The following HERC3 variants were observed in gnomAD, a reference collection of about 807,000 sequenced individuals.
HERC3 encodes the protein probable E3 ubiquitin-protein ligase HERC3.
HERC3 carries 58 observed loss-of-function variants against 129.9 expected under a neutral mutation model. The ratio of observed to expected loss-of-function variants is 0.45; its 90% CI spans 0.36 to 0.56. The LOEUF is 0.56. HERC3 is among the 20% of genes least tolerant of loss of function. The probability of loss-of-function intolerance (pLI) is 0.00; values close to 1 mark genes in which losing one functional copy is unlikely to be tolerated. For missense variants in HERC3, 835 were observed against 1,244.2 expected, an observed-to-expected ratio of 0.67 and a Z score of 4.95; for synonymous variants, 430 against 451.0, an observed-to-expected ratio of 0.95 and a Z score of 0.59.
chr4:88,634,450 C>T (rs576092139), intron 3 of HERC3, among the ~76,000 whole-genome samples: 5 of 152,244 alleles, frequency 3.3e-5, no homozygotes, highest in South Asian at 4.1e-4. Flanking sequence ...GCAGGAACTC[C>T]GTCTCCAACT....
At chr4:88,581,307 A>ATTAT in the HERC3 span, among the ~76,000 whole-genome samples, 34 of 143,962 alleles carry the variant, frequency 2.4e-4, no homozygotes, top group African/African-American at 8.6e-4. Flanking sequence ...TATTATTATT[A>ATTAT]TTTTTTTTTT....
At chr4:88,588,090 CAAT>C (rs1721576874), upstream of HERC3, among the ~76,000 whole-genome samples, 1 of 152,174 alleles carries the variant, frequency 6.6e-6, no homozygotes, top group South Asian at 2.1e-4. Flanking sequence ...TATATGAAAA[CAAT>C]GAGTTTCTCA....
At chr4:88,526,559 C>T in the HERC3 span, among the ~76,000 whole-genome samples, 2 of 152,098 alleles carry the variant, frequency 1.3e-5, no homozygotes, top group African/African-American at 2.4e-5. Flanking sequence ...TTTCTTGAGA[C>T]AGATTCTCTC....
chr4:88,589,955 AGAT>A (rs1240642108), upstream of HERC3, among the ~76,000 whole-genome samples: 3 of 152,168 alleles, frequency 2.0e-5, no homozygotes, highest in Non-Finnish European at 4.4e-5. Context: ...CTTTTCCTCA[AGAT>A]GAAATTTCAT....
the HERC3 span, among the ~76,000 whole-genome samples, chr4:88,577,465 T>C: frequency 6.6e-6 from 1 of 152,202 alleles, no homozygotes. Context: ...ATTATACATT[T>C]GTCTTTAAAA....
intron 3 of HERC3, among the ~76,000 whole-genome samples, chr4:88,606,253 C>CTT (rs558927566): frequency 2.4e-4 from 33 of 135,376 alleles, no homozygotes; most frequent in African/African-American, 8.0e-4. Context: ...CTTTTCTTTT[C>CTT]TTTTTTTTTT....
chr4:88,692,209 T>C (rs1734140489), intron 23 of HERC3, among the ~76,000 whole-genome samples: 1 of 152,084 alleles, frequency 6.6e-6, no homozygotes, highest in Non-Finnish European at 1.5e-5. Flanking sequence ...TATAATATGG[T>C]GTTAATTACC....
intron 22 of HERC3, 88 bp downstream of exon 22, chr4:88,686,890 A>G (rs925205851): frequency 4.7e-6 from 5 of 1,054,138 alleles, no homozygotes; most frequent in Non-Finnish European, 5.8e-6. Flanking sequence ...TCTTCAAATC[A>G]TAGAAAAAAG....
intron 23 of HERC3, among the ~76,000 whole-genome samples, chr4:88,703,667 A>T (rs945743350): frequency 6.6e-6 from 1 of 150,632 alleles, no homozygotes; most frequent in East Asian, 2.0e-4. Flanking sequence ...AGGTGAGGAT[A>T]CAAGTATCAA....
At chr4:88,552,834 C>CTACTAAT in the HERC3 span, among the ~76,000 whole-genome samples, 1 of 152,130 alleles carries the variant, frequency 6.6e-6, no homozygotes, top group Non-Finnish European at 1.5e-5. Flanking sequence ...GGAAACTGAC[C>CTACTAAT]TACTAATGGG....
chr4:88,525,169 C>T, the HERC3 span, among the ~76,000 whole-genome samples: 1 of 152,150 alleles, frequency 6.6e-6, no homozygotes, highest in Non-Finnish European at 1.5e-5. Flanking sequence ...CTCTGGTTGC[C>T]TCACCTTCCT....
chr4:88,616,657 A>C (rs1724931035), intron 3 of HERC3, among the ~76,000 whole-genome samples: 1 of 152,194 alleles, frequency 6.6e-6, no homozygotes, highest in Non-Finnish European at 1.5e-5. Flanking sequence ...GTCTAAACCT[A>C]CATGATCTCT....
At chr4:88,538,698 C>T in the HERC3 span, among the ~76,000 whole-genome samples, 1 of 152,068 alleles carries the variant, frequency 6.6e-6, no homozygotes, top group Non-Finnish European at 1.5e-5. Flanking sequence ...TGCACGCCAC[C>T]ATGCCTAGCT....
At chr4:88,693,689 T>G (rs1350730483) in intron 23 of HERC3, 3 of 984,514 alleles carry the variant, frequency 3.0e-6, no homozygotes, top group African/African-American at 1.7e-5. Flanking sequence ...TGTGTCTATG[T>G]GTATGCATTG....
At chr4:88,642,592 T>C (rs1381268595) in intron 3 of HERC3, among the ~76,000 whole-genome samples, 1 of 152,232 alleles carries the variant, frequency 6.6e-6, no homozygotes, top group East Asian at 1.9e-4. Flanking sequence ...ATTTGGTGTC[T>C]GCCGAGCACT....
intron 3 of HERC3, among the ~76,000 whole-genome samples, chr4:88,617,019 G>GT (rs999649191): frequency 2.0e-5 from 3 of 151,874 alleles, no homozygotes; most frequent in Non-Finnish European, 4.4e-5. Context: ...ACTATGCCAT[G>GT]TTTTTTTGGG....
intron 1 of HERC3, 38 bp downstream of exon 1, chr4:88,592,612 T>C (rs1187134500): frequency 6.6e-6 from 1 of 151,896 alleles, no homozygotes; most frequent in Non-Finnish European, 1.5e-5. Flanking sequence ...GGGAGGGGGG[T>C]ACGGCGGAGC....
At chr4:88,563,194 T>C in the HERC3 span, among the ~76,000 whole-genome samples, 1 of 152,340 alleles carries the variant, frequency 6.6e-6, no homozygotes, top group Non-Finnish European at 1.5e-5. Context: ...GTTTTATAGT[T>C]TCCATCACAG....
chr4:88,621,566 A>G (rs1020349404), intron 3 of HERC3, among the ~76,000 whole-genome samples: 4 of 152,272 alleles, frequency 2.6e-5, no homozygotes, highest in African/African-American at 9.6e-5. Context: ...TATGTCTGGT[A>G]TGTGGAATTC....
Sources: gnomAD v4.1 joint callset for allele counts (sites outside exome capture counted in the v4.1 genomes callset) on GRCh38, gnomAD v4.1.1 for gene constraint, MANE v1.5 for transcripts, NCBI Gene and HGNC (gene_info 2026-07-23, HGNC 2026-07-21) for gene names.